The following PACRG variants were observed in gnomAD, a reference collection of about 807,000 sequenced individuals.
PACRG encodes the protein parkin coregulated.
Under a neutral mutation model 29.7 loss-of-function variants are expected in PACRG, and 29 were observed. That is an observed-to-expected ratio of 0.98 (90% CI 0.73 to 1.33). The LOEUF is 1.33. Ranked by LOEUF, PACRG falls within the 40% of genes most tolerant of loss-of-function variation. The probability of loss-of-function intolerance (pLI) is 0.00; values close to 1 mark genes in which losing one functional copy is unlikely to be tolerated. For missense variants in PACRG, 279 were observed against 316.2 expected, an observed-to-expected ratio of 0.88 and a Z score of 0.89; for synonymous variants, 116 against 118.7, an observed-to-expected ratio of 0.98 and a Z score of 0.15.
At chr6:163,060,625 C>T (rs1261149924) in intron 2 of PACRG, among the ~76,000 whole-genome samples, 1 of 152,158 alleles carries the variant, frequency 6.6e-6, no homozygotes, top group African/African-American at 2.4e-5. Context: ...CCTTGATTGG[C>T]TGGACTCCCT....
intron 2 of PACRG, among the ~76,000 whole-genome samples, chr6:162,846,891 A>ACTGTGCTCCCCACATTG (rs1214788999): frequency 8.2e-6 from 1 of 121,276 alleles, no homozygotes; most frequent in African/African-American, 3.1e-5. Context: ...CACACTGACC[A>ACTGTGCTCCCCACATTG]CTGTGCTCCC....
chr6:163,311,751 T>C (rs1785424533), intron 4 of PACRG, among the ~76,000 whole-genome samples: 1 of 149,440 alleles, frequency 6.7e-6, no homozygotes, highest in African/African-American at 2.5e-5. Flanking sequence ...CTTTTATCAT[T>C]TGAGGTTATA....
chr6:163,219,963 A>G (rs1003817256), intron 4 of PACRG, among the ~76,000 whole-genome samples: 2 of 152,080 alleles, frequency 1.3e-5, no homozygotes, highest in African/African-American at 2.4e-5. Flanking sequence ...CTCCTCCCAT[A>G]TCTTACCTTG....
intron 4 of PACRG, among the ~76,000 whole-genome samples, chr6:163,304,821 A>G (rs1785135877): frequency 1.3e-5 from 2 of 152,190 alleles, no homozygotes; most frequent in African/African-American, 4.8e-5. Flanking sequence ...CGTGAGGGAG[A>G]TGAGATCACA....
intron 2 of PACRG, among the ~76,000 whole-genome samples, chr6:162,829,682 G>C (rs1273174175): frequency 6.6e-6 from 1 of 151,800 alleles, no homozygotes; most frequent in Non-Finnish European, 1.5e-5. Context: ...GGAACGTTCA[G>C]CAACATATGT....
At chr6:163,045,371 C>T (rs1809226142) in intron 2 of PACRG, among the ~76,000 whole-genome samples, 1 of 152,200 alleles carries the variant, frequency 6.6e-6, no homozygotes, top group Non-Finnish European at 1.5e-5. Flanking sequence ...AAGCCATGAA[C>T]AACTGCAAAG....
At chr6:163,015,640 C>CTCTGTT (rs1562833127) in intron 2 of PACRG, among the ~76,000 whole-genome samples, 1 of 151,982 alleles carries the variant, frequency 6.6e-6, no homozygotes, top group African/African-American at 2.4e-5. Context: ...CTTCATTTTG[C>CTCTGTT]TCTGTTTGAA....
chr6:163,193,772 G>C (rs538710100), intron 4 of PACRG, among the ~76,000 whole-genome samples: 23 of 152,014 alleles, frequency 1.5e-4, no homozygotes, highest in African/African-American at 5.5e-4. Context: ...ATTCCTAAAA[G>C]TAATTCAAAT....
intron 4 of PACRG, among the ~76,000 whole-genome samples, chr6:163,203,407 G>C (rs542909301): frequency 6.6e-6 from 1 of 151,966 alleles, no homozygotes; most frequent in Admixed American, 6.5e-5. Flanking sequence ...GCGAGATTCC[G>C]TCTCAAAAAC....
At chr6:162,916,674 C>A (rs539439467) in intron 2 of PACRG, among the ~76,000 whole-genome samples, 21 of 152,214 alleles carry the variant, frequency 1.4e-4, no homozygotes, top group Admixed American at 4.6e-4. Context: ...TACAAGTACA[C>A]AAATTTCATA....
chr6:162,820,966 G>GA lies in PACRG; in HGVS notation c.291+6695dup, dbSNP rs200750380. 8.5e-3 allele frequency among the ~76,000 whole-genome samples: 1,259 copies of GA among 147,684 alleles called. 12 individuals are homozygous for GA. Among genetic ancestry groups the GA allele is most frequent in the African/African-American group, 0.026 (1,042 of 40,420 alleles). The stretch of plus-strand genomic sequence containing the variant: ...AGACAGAGCTTATTCCAGAAGTTTT[G>GA]AAAAAAAAAATCCTCTGGCAATGAG... On this transcript the variant is annotated intron_variant, in intron 2 of 4. Transcript: ENST00000366888.
intron 4 of PACRG, among the ~76,000 whole-genome samples, chr6:163,178,495 G>A (rs558394715): frequency 6.6e-6 from 1 of 152,292 alleles, no homozygotes; most frequent in African/African-American, 2.4e-5. Flanking sequence ...GACACATGCA[G>A]GAAACTTTAG....
intron 4 of PACRG, among the ~76,000 whole-genome samples, chr6:163,291,339 T>C (rs1784600730): frequency 1.5e-5 from 2 of 129,618 alleles, no homozygotes; most frequent in African/African-American, 3.0e-5. Flanking sequence ...GGCCTGCGGG[T>C]CACCCTGCAA....
rs181158437 is a variant in PACRG, at chr6:163,055,401, C to T, written c.292-6749C>T. Among the ~76,000 whole-genome samples, 134 of 152,084 alleles carry T rather than the reference C, an allele frequency of 8.8e-4. No homozygotes were observed. Among genetic ancestry groups the T allele is most frequent in the Non-Finnish European group, 1.6e-3 (106 of 67,972 alleles). On this transcript the variant is annotated intron_variant, in intron 2 of 4. Transcript: ENST00000366888. The surrounding 1 kb of genome is among the most constrained non-coding windows in gnomAD (Gnocchi z 4.0). The stretch of plus-strand genomic sequence containing the variant: ...ACACATGCACTCACATATATACACA[C>T]GTGCACACACACGCAAACAAGCGCC...
At position 163,036,857 on chromosome 6, in the gene PACRG, TATCCATCCATCCATCCATCCATCC is replaced by T. The variant is rs71008132; in HGVS notation, c.292-25258_292-25235del. Among the ~76,000 whole-genome samples, 923 of 148,864 alleles carry T rather than the reference TATCCATCCATCCATCCATCCATCC, an allele frequency of 6.2e-3. 12 individuals carry two copies. Among genetic ancestry groups the T allele is most frequent in the African/African-American group, 0.021 (851 of 40,418 alleles). On this transcript the variant is annotated intron_variant, in intron 2 of 4. Transcript: ENST00000366888. Reference sequence around the variant, plus strand: ...CCATCCATCCACCTATCCATCCAGCTATCCATCCATCCATCCATCCATCCATCCATCCATCCATCCATCCATCCA... The same window carrying T: ...CCATCCATCCACCTATCCATCCAGCTATCCATCCATCCATCCATCCATCCA...
chr6:162,869,262 A>G (rs1266121401), intron 2 of PACRG, among the ~76,000 whole-genome samples: 2 of 152,208 alleles, frequency 1.3e-5, no homozygotes, highest in Admixed American at 1.3e-4. Context: ...TCTATGTAAC[A>G]TAGCCTGAAA....
At chr6:162,962,995 C>T (rs956546706) in intron 2 of PACRG, among the ~76,000 whole-genome samples, 1 of 152,086 alleles carries the variant, frequency 6.6e-6, no homozygotes, top group African/African-American at 2.4e-5. Context: ...TGAGGGACCA[C>T]ATTCTACATT....
At chr6:163,260,404 T>A (rs574332072) in intron 4 of PACRG, among the ~76,000 whole-genome samples, 57 of 152,354 alleles carry the variant, frequency 3.7e-4, no homozygotes, top group African/African-American at 1.4e-3. Context: ...CACTCTGCAA[T>A]TATTCAAAGT....
At chr6:163,251,878 G>A (rs533551093) in intron 4 of PACRG, among the ~76,000 whole-genome samples, 5 of 152,258 alleles carry the variant, frequency 3.3e-5, no homozygotes, top group South Asian at 4.1e-4. Context: ...CTAGCTGAGC[G>A]ACCTTGGGTA....
Sources: allele counts gnomAD v4.1 joint callset (sites outside exome capture counted in the v4.1 genomes callset), GRCh38; gene constraint gnomAD v4.1.1; non-coding constraint Gnocchi (gnomAD v3.1); transcripts MANE v1.5; gene names NCBI Gene and HGNC (gene_info 2026-07-23, HGNC 2026-07-21).